The following SLC41A3 variants were observed in gnomAD, a reference collection of about 807,000 sequenced individuals.
SLC41A3 encodes solute carrier family 41 member 3.
SLC41A3 carries 44 observed loss-of-function variants against 45.4 expected under a neutral mutation model. The observed-to-expected ratio is 0.97, with a 90% CI of 0.76 to 1.25. The LOEUF is 1.25. Ranked by LOEUF, SLC41A3 falls within the 50% of genes most tolerant of loss-of-function variation. The probability of loss-of-function intolerance (pLI) is 0.00; values close to 1 mark genes in which losing one functional copy is unlikely to be tolerated. For missense variants in SLC41A3, 550 were observed against 600.6 expected (o/e 0.92, Z 0.88); for synonymous variants, 256 against 252.4 (o/e 1.01, Z -0.13).
At chr3:126,051,427 G>A (rs1424833030) in intron 2 of SLC41A3, among the ~76,000 whole-genome samples, 2 of 142,602 alleles carry the variant, frequency 1.4e-5, no homozygotes, top group African/African-American at 5.1e-5. Flanking sequence ...CGGCCAGGCT[G>A]AGGAAGGGCC....
intron 1 of SLC41A3, among the ~76,000 whole-genome samples, chr3:126,083,370 C>T (rs1945259830): frequency 6.6e-6 from 1 of 152,122 alleles, no homozygotes; most frequent in Non-Finnish European, 1.5e-5. Flanking sequence ...GATTTGATCA[C>T]TAAAGTCATA....
intron 2 of SLC41A3, 28 bp downstream of exon 2, chr3:126,067,919 T>C: frequency 6.4e-7 from 1 of 1,557,694 alleles, no homozygotes; most frequent in Non-Finnish European, 8.7e-7. Flanking sequence ...AGTGCCCCGC[T>C]CCCTGTCCCC....
chr3:126,036,941 G>GCA (rs1383456349), intron 3 of SLC41A3, among the ~76,000 whole-genome samples: 1 of 152,102 alleles, frequency 6.6e-6, no homozygotes, highest in East Asian at 1.9e-4. Flanking sequence ...TACATACCCT[G>GCA]CACCCAACCT....
At chr3:126,080,406 T>A (rs1053606448) in intron 1 of SLC41A3, among the ~76,000 whole-genome samples, 9 of 151,704 alleles carry the variant, frequency 5.9e-5, no homozygotes, top group Non-Finnish European at 1.3e-4. Flanking sequence ...AAGATCTGAA[T>A]AGATATTTCT....
chr3:126,098,276 G>A (rs903027513), intron 1 of SLC41A3, among the ~76,000 whole-genome samples: 5 of 152,092 alleles, frequency 3.3e-5, no homozygotes, highest in Non-Finnish European at 7.4e-5. Context: ...TAGAAGAGAT[G>A]GGAAAGAGAT....
chr3:126,092,178 G>A (rs1018188148), intron 1 of SLC41A3, among the ~76,000 whole-genome samples: 1 of 152,208 alleles, frequency 6.6e-6, no homozygotes, highest in African/African-American at 2.4e-5. Context: ...ACTGTGACAT[G>A]CTTTTGATGG....
chr3:126,015,445 G>A, intron 8 of SLC41A3, 49 bp downstream of exon 8: 5 of 1,597,822 alleles, frequency 3.1e-6, no homozygotes, highest in Non-Finnish European at 4.3e-6. Context: ...ACCCAATCCT[G>A]TGGGCCTACC....
At chr3:126,023,229 A>C in intron 5 of SLC41A3, 1 of 310,148 alleles carries the variant, frequency 3.2e-6, no homozygotes, top group South Asian at 6.4e-5. Context: ...CCAAATCACC[A>C]GGAACCACAG....
upstream of SLC41A3, among the ~76,000 whole-genome samples, chr3:126,087,275 C>T (rs941816398): frequency 6.6e-6 from 1 of 151,962 alleles, no homozygotes; most frequent in Non-Finnish European, 1.5e-5. Context: ...GAAGTAAACA[C>T]CTGAAATTCA....
intron 1 of SLC41A3, among the ~76,000 whole-genome samples, chr3:126,074,248 AAAG>A (rs1944768747): frequency 6.6e-6 from 1 of 151,770 alleles, no homozygotes; most frequent in Non-Finnish European, 1.5e-5. Flanking sequence ...TACCACAGAC[AAAG>A]AAGGATATTT....
At chr3:126,070,266 G>T (rs1944554199) in intron 1 of SLC41A3, 1 of 152,254 alleles carries the variant, frequency 6.6e-6, no homozygotes, top group Non-Finnish European at 1.5e-5. Context: ...CAGAAGGTGA[G>T]CGGCTCCCGG....
At chr3:126,078,110 A>C (rs1944966875) in intron 1 of SLC41A3, among the ~76,000 whole-genome samples, 2 of 152,012 alleles carry the variant, frequency 1.3e-5, no homozygotes, top group Non-Finnish European at 2.9e-5. Flanking sequence ...CTCTCACCAC[A>C]CCAGGCCCCT....
chr3:126,045,637 C>A (rs893218239), intron 3 of SLC41A3, among the ~76,000 whole-genome samples: 1 of 152,076 alleles, frequency 6.6e-6, no homozygotes, highest in African/African-American at 2.4e-5. Flanking sequence ...AATCTCCCAA[C>A]AAAGAAAACC....
intron 1 of SLC41A3, among the ~76,000 whole-genome samples, chr3:126,099,898 C>A (rs1945675631): frequency 6.6e-6 from 1 of 152,140 alleles, no homozygotes; most frequent in Non-Finnish European, 1.5e-5. Flanking sequence ...ATTTCTTGGT[C>A]CTACTCATGT....
chr3:126,076,177 C>T (rs112539276), intron 1 of SLC41A3, among the ~76,000 whole-genome samples: 7,144 of 152,238 alleles, frequency 0.047, 236 homozygotes, highest in Middle Eastern at 0.092. Context: ...GACATTTCTC[C>T]AAAGATGTAC....
At chr3:126,054,348 T>TA (rs1943525686) in intron 2 of SLC41A3, among the ~76,000 whole-genome samples, 1 of 152,164 alleles carries the variant, frequency 6.6e-6, no homozygotes, top group Non-Finnish European at 1.5e-5. Flanking sequence ...AAGGCCCCTG[T>TA]ACCTTGAGGT....
chr3:126,064,126 G>A (rs1049831906), intron 2 of SLC41A3, among the ~76,000 whole-genome samples: 3 of 151,940 alleles, frequency 2.0e-5, no homozygotes, highest in East Asian at 1.9e-4. Flanking sequence ...AGCTGGCATC[G>A]AGGCATCAAG....
intron 7 of SLC41A3, 86 bp downstream of exon 7, chr3:126,016,645 C>T (rs1411768279): frequency 2.0e-5 from 30 of 1,498,950 alleles, no homozygotes; most frequent in Non-Finnish European, 2.7e-5. Context: ...CATTCCTGTC[C>T]CCCAAGGCAG....
At chr3:126,016,650 A>G in intron 7 of SLC41A3, 81 bp downstream of exon 7, 3 of 1,512,518 alleles carry the variant, frequency 2.0e-6, no homozygotes, top group Non-Finnish European at 2.6e-6. Context: ...CTGTCCCCCA[A>G]GGCAGTGAGT....
Sources: allele counts gnomAD v4.1 joint callset (sites outside exome capture counted in the v4.1 genomes callset), GRCh38; gene constraint gnomAD v4.1.1; transcripts MANE v1.5; gene names NCBI Gene and HGNC (gene_info 2026-07-23, HGNC 2026-07-21).